PTDSS2: variants seen among roughly 807,000 people sequenced by gnomAD.
PTDSS2 encodes PSS-2.
PTDSS2 carries 41 observed loss-of-function variants against 64.7 expected under a neutral mutation model. The ratio of observed to expected loss-of-function variants is 0.63; its 90% CI spans 0.49 to 0.82. The LOEUF is 0.82. PTDSS2 is among the 40% of genes least tolerant of loss of function. PTDSS2 has a pLI of 0.00. For missense variants in PTDSS2, 485 were observed against 650.0 expected (o/e 0.75, Z 2.76); for synonymous variants, 297 against 277.8 (o/e 1.07, Z -0.69).
At chr11:475,601 G>A (rs1053866060) in intron 3 of PTDSS2, among the ~76,000 whole-genome samples, 5 of 152,134 alleles carry the variant, frequency 3.3e-5, no homozygotes, top group African/African-American at 7.2e-5. Flanking sequence ...TCACAGCCTC[G>A]AAAGAGTGGA....
intron 1 of PTDSS2, among the ~76,000 whole-genome samples, 195 bp downstream of exon 1, chr11:450,832 G>A (rs576095619): frequency 6.6e-6 from 1 of 152,200 alleles, no homozygotes; most frequent in African/African-American, 2.4e-5. Context: ...ACGCCGGGTC[G>A]GGCGGAGGGC....
intron 2 of PTDSS2, among the ~76,000 whole-genome samples, chr11:466,739 C>T (rs1413975436): frequency 1.3e-5 from 2 of 152,100 alleles, no homozygotes; most frequent in Admixed American, 1.3e-4. Context: ...CATCAGCTCT[C>T]GTGAGACTCC....
At chr11:450,699 G>T in intron 1 of PTDSS2, 62 bp downstream of exon 1, 1 of 1,216,072 alleles carries the variant, frequency 8.2e-7, no homozygotes, top group Non-Finnish European at 1.0e-6. Flanking sequence ...TTCCGGCACC[G>T]CTGGCCTGGG....
At chr11:473,181 G>A (rs1847560649) in intron 2 of PTDSS2, among the ~76,000 whole-genome samples, 1 of 152,246 alleles carries the variant, frequency 6.6e-6, no homozygotes, top group East Asian at 1.9e-4. Context: ...CTTTGCCGAG[G>A]AGGGAGCACC....
rs781424226 is a variant in PTDSS2 at position 490,439 on chromosome 11, A to T, written c.1321A>T (p.Lys441Ter). 6.2e-7 allele frequency: 1 copy of T among 1,613,222 alleles called. No homozygotes were observed. The highest frequency in any genetic ancestry group is 8.5e-7 in the Non-Finnish European group (1 of 1,179,940). Reference protein sequence around the residue: ...FFLRDITLRYKETRWQKWQNK... With the variant: ...FFLRDITLRY ...CCCCAGGGACATCACATTGAGGTAC[A>T]AGGAGACCCGGTGGCAGAAGTGGCA... is the stretch of plus-strand genomic sequence containing the variant. Residue 441 changes from lysine to a stop codon, truncating the protein, a stop_gained, in exon 12 of 12, where the codon AAG becomes TAG. Transcript: ENST00000308020. LOFTEE classifies it low-confidence loss of function (END_TRUNC).
rs1274319914 is a variant in PTDSS2, at chr11:479,599, C to T, written c.435+447C>T. Among the ~76,000 whole-genome samples the T allele has an allele frequency of 6.6e-6, 1 of 152,138 alleles. No individual in the cohort carries two copies. The highest frequency in any genetic ancestry group is 1.5e-5 in the Non-Finnish European group (1 of 68,048). ...GTCCTGCGATGCAGGCCAGCGTCTGCATGGCCGGGGCAAATCTGGGCCTCA... is the reference window on the plus strand; with the variant it reads ...GTCCTGCGATGCAGGCCAGCGTCTGTATGGCCGGGGCAAATCTGGGCCTCA... On this transcript the variant is annotated intron_variant, in intron 4 of 11. Transcript: ENST00000308020. This position sits in a 1 kb window ranked among gnomAD's most constrained non-coding sequence, Gnocchi z 4.2.
chr11:488,490 C>A, intron 7 of PTDSS2, 39 bp from the exon 8 acceptor site: 1 of 1,558,648 alleles, frequency 6.4e-7, no homozygotes, highest in Non-Finnish European at 8.8e-7. Flanking sequence ...GGGCTCGTTA[C>A]CCCTCACCCC....
upstream of PTDSS2, chr11:450,170 C>T (rs1019414778): frequency 1.6e-5 from 5 of 317,908 alleles, no homozygotes; most frequent in Admixed American, 1.0e-4. Context: ...CAGGGCGGTC[C>T]GGCTCCGGTT....
At chr11:465,251 C>T (rs531168627) in intron 2 of PTDSS2, among the ~76,000 whole-genome samples, 36 of 152,310 alleles carry the variant, frequency 2.4e-4, no homozygotes, top group South Asian at 8.3e-4. Flanking sequence ...AGTGCAGTGG[C>T]GCAGTCACAG....
rs1847593223 is a variant in PTDSS2, at chr11:473,785, C to T, written c.285-110C>T. 6 of 863,432 alleles carry T rather than the reference C, an allele frequency of 6.9e-6. No homozygotes were observed. In the East Asian group the frequency reaches 1.5e-4, roughly 21 times the overall value. 53.5% of individuals were successfully genotyped at this position (863,432 alleles called of 1,614,324 possible). A position where few individuals can be genotyped will look rare whatever the true frequency, so the allele number is the denominator to read the frequency against. On this transcript the variant is annotated intron_variant, in intron 2 of 11. Transcript: ENST00000308020. ...TGCCCGAGGCCCCTTCCTCCCGCCC[C>T]AGCATCAGGGGCTGTTCCACAATGG...
Position 450,328 on chromosome 11 carries a change from G to C in PTDSS2, c.-128G>C, listed in dbSNP as rs1464352172. 1.2e-6 allele frequency: 1 copy of C among 810,652 alleles called. No individual in the cohort carries two copies. 50.2% of individuals were successfully genotyped at this position (810,652 alleles called of 1,614,324 possible). The stretch of plus-strand genomic sequence containing the variant: ...GGCCGGCCCCGCGCTGCTCTCCTAA[G>C]ACCCCGCGGGCCAGCGCCGCGACCC... On this transcript the variant is annotated 5_prime_UTR_variant, in exon 1 of 12. Coordinates refer to ENST00000308020, the MANE Select transcript of PTDSS2 (RefSeq NM_030783.3).
Position 462,378 on chromosome 11 carries a change from G to A in PTDSS2, c.284+2090G>A, listed in dbSNP as rs1846932139. Among the ~76,000 whole-genome samples, 1 of 152,142 alleles carries A rather than the reference G, an allele frequency of 6.6e-6. No individual in the cohort carries two copies. Among genetic ancestry groups the A allele is most frequent in the African/African-American group, 2.4e-5 (1 of 41,432 alleles). On this transcript the variant is annotated intron_variant, in intron 2 of 11. Transcript: ENST00000308020. The surrounding 1 kb of genome is among the most constrained non-coding windows in gnomAD (Gnocchi z 4.5). ...CAGGGAGCCCCTGCGTGTGTTCATTGAGAGGGGCCAGGAGACGGGAATTCA... is the reference window on the plus strand; with the variant it reads ...CAGGGAGCCCCTGCGTGTGTTCATTAAGAGGGGCCAGGAGACGGGAATTCA...
chr11:486,931 C>T lies in PTDSS2; in HGVS notation c.436-8C>T. 1 of 1,607,098 alleles carries T rather than the reference C, an allele frequency of 6.2e-7. No individual in the cohort carries two copies. ...GTAGCCCCGCTGACGGGGGCACTGG[C>T]CTTGCAGACTGTCCAGGACGGCCGG... On this transcript the variant is annotated splice_polypyrimidine_tract_variant and splice_region_variant and intron_variant, in intron 4 of 11. Transcript: ENST00000308020.
rs866030713 is a variant in PTDSS2, at chr11:450,354, C to T, written c.-102C>T. 12 of 1,086,230 alleles carry T rather than the reference C, an allele frequency of 1.1e-5. No individual in the cohort carries two copies. The highest frequency in any genetic ancestry group is 3.4e-5 in the East Asian group (1 of 29,242). The allele number at this position is 1,086,230 out of a possible 1,614,324, so 67.3% of individuals were successfully genotyped here. On this transcript the variant is annotated 5_prime_UTR_variant, in exon 1 of 12. Coordinates refer to ENST00000308020, the MANE Select transcript of PTDSS2 (RefSeq NM_030783.3). ...ACCCCGCGGGCCAGCGCCGCGACCC[C>T]TTCCCAGCGCTCCTCGCGCTGTGTG...
At chr11:458,421 G>T (rs1468710468) in intron 1 of PTDSS2, among the ~76,000 whole-genome samples, 1 of 150,968 alleles carries the variant, frequency 6.6e-6, no homozygotes, top group Admixed American at 6.6e-5. Context: ...TAGCCAGGAT[G>T]GTCTCGATCT....
In PTDSS2 at chr11:489,982, C is replaced by T; in HGVS notation, c.1215C>T (p.Thr405=). ...IVVKYDPHTL[T]LSLPFYISQC... The stretch of plus-strand genomic sequence containing the variant: ...TGAAGTACGACCCCCACACGCTCAC[C>T]CTGTCCCTGCCCTTCTACATCTCCC... The change falls in exon 11 of 12, where the codon ACC becomes ACT. Residue 405 remains threonine, a synonymous_variant. Transcript: ENST00000308020. 1 of 1,612,318 alleles carries T rather than the reference C, an allele frequency of 6.2e-7. No homozygotes were observed. Among genetic ancestry groups the T allele is most frequent in the Non-Finnish European group, 8.5e-7 (1 of 1,179,964 alleles).
At chr11:487,505 G>C in intron 6 of PTDSS2, 35 bp downstream of exon 6, 1 of 1,601,408 alleles carries the variant, frequency 6.2e-7, no homozygotes, top group Non-Finnish European at 8.6e-7. Context: ...TCCCCGCCCC[G>C]GTTCTGAGGC....
At chr11:466,185 G>A (rs1847131907) in intron 2 of PTDSS2, among the ~76,000 whole-genome samples, 1 of 152,108 alleles carries the variant, frequency 6.6e-6, no homozygotes, top group Admixed American at 6.5e-5. Context: ...ACCAGCCTGT[G>A]TAACATGGTC....
rs752301483 is a variant in PTDSS2 at position 488,534 on chromosome 11, C to T, written c.741C>T (p.Ile247=). 3.4e-5 allele frequency: 55 copies of T among 1,613,052 alleles called. No homozygotes were observed. The highest frequency in any genetic ancestry group is 4.7e-5 in the Non-Finnish European group (55 of 1,179,714). The change falls in exon 8 of 12, where the codon ATC becomes ATT. Residue 247 remains isoleucine (I), a synonymous_variant. Transcript: ENST00000308020. The part of the protein sequence containing the change: ...NFSECWWDHW[I]MDVLVCNGLG... ...GTGCTGGCCCCTCCCTGCAGTGGAT[C>T]ATGGACGTGCTCGTCTGCAACGGGC...
Sources: gnomAD v4.1 joint callset for allele counts (sites outside exome capture counted in the v4.1 genomes callset) on GRCh38, gnomAD v4.1.1 for gene constraint, Gnocchi (gnomAD v3.1) non-coding constraint, MANE v1.5 for transcripts, NCBI Gene and HGNC (gene_info 2026-07-23, HGNC 2026-07-21) for gene names.